Variants in CCDC13 observed in about 807,000 individuals in gnomAD.
CCDC13 encodes the protein coiled-coil domain containing 13, also known as coiled-coil domain-containing protein 13.
A neutral mutation model predicts 87.3 loss-of-function variants in CCDC13; 70 were observed. That is an observed-to-expected ratio of 0.80 (90% CI 0.66 to 0.98). The LOEUF (loss-of-function observed/expected upper bound fraction) is 0.98. Among genes scored for constraint, CCDC13 ranks in the 50% least tolerant of loss-of-function variants. CCDC13 has a pLI of 0.00. For synonymous variants in CCDC13, 317 were observed against 360.3 expected, an observed-to-expected ratio of 0.88 and a Z score of 1.36; for missense variants, 842 against 892.0, an observed-to-expected ratio of 0.94 and a Z score of 0.71.
At chr3:42,716,283 T>C (rs1427765479) in intron 13 of CCDC13, among the ~76,000 whole-genome samples, 1 of 151,958 alleles carries the variant, frequency 6.6e-6, no homozygotes, top group Admixed American at 6.6e-5. Flanking sequence ...TCAAGAAAGT[T>C]CTATCTAACC....
chr3:42,753,801 G>A (rs1006287892), intron 3 of CCDC13, among the ~76,000 whole-genome samples: 2 of 152,178 alleles, frequency 1.3e-5, no homozygotes, highest in Non-Finnish European at 2.9e-5. Context: ...GAGGTCTGGA[G>A]GTGGAATGTG....
intron 9 of CCDC13, among the ~76,000 whole-genome samples, 195 bp downstream of exon 9, chr3:42,739,439 C>G (rs1261844503): frequency 3.3e-5 from 5 of 152,208 alleles, no homozygotes; most frequent in Admixed American, 3.3e-4. Context: ...CCCTACCTGC[C>G]CTCAGGCAGC....
intron 3 of CCDC13, among the ~76,000 whole-genome samples, chr3:42,753,558 G>A (rs6442057): frequency 0.24 from 36,170 of 152,096 alleles, 4,527 homozygotes; most frequent in South Asian, 0.29. Context: ...AAACATCAAA[G>A]AAATAAATAT....
chr3:42,768,990 T>C (rs1375157712), intron 1 of CCDC13, among the ~76,000 whole-genome samples: 1 of 151,826 alleles, frequency 6.6e-6, no homozygotes, highest in Non-Finnish European at 1.5e-5. Flanking sequence ...ATATAAAAAT[T>C]AGCTGGGCGT....
intron 1 of CCDC13, among the ~76,000 whole-genome samples, chr3:42,766,854 A>G (rs984366665): frequency 6.6e-6 from 1 of 152,220 alleles, no homozygotes. Context: ...ACAAAATCCA[A>G]TGCTCATTCA....
intron 1 of CCDC13, among the ~76,000 whole-genome samples, chr3:42,766,290 C>T (rs1220079064): frequency 6.6e-6 from 1 of 151,796 alleles, no homozygotes; most frequent in Non-Finnish European, 1.5e-5. Context: ...TGAGCTGGAG[C>T]CTCAGGTAGT....
At chr3:42,749,873 A>T (rs755299597) in intron 5 of CCDC13, 1 of 456,706 alleles carries the variant, frequency 2.2e-6, no homozygotes. Context: ...CCACTCTGGA[A>T]TGTGCTTTGG....
At chr3:42,771,160 A>C (rs551999588) in intron 1 of CCDC13, 1 of 152,258 alleles carries the variant, frequency 6.6e-6, no homozygotes, top group Non-Finnish European at 1.5e-5. Context: ...ACGAAAAGAC[A>C]TGAAAGAAAC....
chr3:42,719,642 C>G (rs1235811707), intron 13 of CCDC13: 2 of 152,122 alleles, frequency 1.3e-5, no homozygotes, highest in Non-Finnish European at 1.5e-5. Context: ...TGGTCAGTTA[C>G]AAACTTTGCT....
intron 7 of CCDC13, among the ~76,000 whole-genome samples, chr3:42,743,345 C>G (rs1242211221): frequency 1.3e-5 from 2 of 151,830 alleles, no homozygotes; most frequent in Non-Finnish European, 2.9e-5. Flanking sequence ...CCCCAGGAAC[C>G]AGGGATGGAT....
intron 5 of CCDC13, among the ~76,000 whole-genome samples, chr3:42,751,256 G>C (rs1046447179): frequency 4.6e-5 from 7 of 151,864 alleles, no homozygotes. Flanking sequence ...AAGCCTCCTG[G>C]AATGTTAGAC....
At position 42,717,424 on chromosome 3, in the gene CCDC13, C is replaced by CAAA. The variant is rs35259284; in HGVS notation, c.1719-4111_1719-4109dup. Among the ~76,000 whole-genome samples, 86 of 125,736 alleles carry CAAA rather than the reference C, an allele frequency of 6.8e-4. 3 individuals carry two copies. Among genetic ancestry groups the CAAA allele is most frequent in the South Asian group, 1.5e-3 (6 of 3,882 alleles). 82.5% of individuals were successfully genotyped at this position (125,736 alleles called of 152,430 possible). A position where few individuals can be genotyped will look rare whatever the true frequency, so the allele number is the denominator to read the frequency against. ...CTCGGCAACAAGCGAGAATCCATCTCAAAAAAAAAAAAAATAAGTAAAGAG... is the reference window on the plus strand; with the variant it reads ...CTCGGCAACAAGCGAGAATCCATCTCAAAAAAAAAAAAAAAAATAAGTAAAGAG... On this transcript the variant is annotated intron_variant, in intron 13 of 15. Transcript: ENST00000310232.
chr3:42,753,424 C>T lies in CCDC13; in HGVS notation c.371-707G>A, dbSNP rs187799331. 1.5e-4 allele frequency among the ~76,000 whole-genome samples: 23 copies of T among 152,288 alleles called. No homozygotes were observed. The East Asian group carries it at 4.2e-3, about 28-fold the overall frequency. ...TGGTAACGCCTACCCAATAGAAAGG[C>T]ATACATTCATTTAGCAAATATTTAT... On this transcript the variant is annotated intron_variant, in intron 3 of 15. Coordinates refer to ENST00000310232, the MANE Select transcript of CCDC13 (RefSeq NM_144719.4).
intron 1 of CCDC13, among the ~76,000 whole-genome samples, chr3:42,772,663 G>A (rs1287680033): frequency 6.6e-6 from 1 of 152,204 alleles, no homozygotes; most frequent in African/African-American, 2.4e-5. Context: ...GGATGGGTTT[G>A]GGATGGGAGC....
chr3:42,761,873 C>G (rs1362417608), intron 1 of CCDC13, among the ~76,000 whole-genome samples: 2 of 152,170 alleles, frequency 1.3e-5, no homozygotes. Context: ...CCTCCTACAC[C>G]CAGCATGAAT....
chr3:42,758,076 C>G (rs772690074), intron 2 of CCDC13, 49 bp downstream of exon 2: 23 of 1,473,574 alleles, frequency 1.6e-5, no homozygotes, highest in Middle Eastern at 2.0e-4. Context: ...CACACACACA[C>G]ACACACACAC....
intron 9 of CCDC13, among the ~76,000 whole-genome samples, chr3:42,739,106 G>A (rs751864168): frequency 2.0e-5 from 3 of 152,158 alleles, no homozygotes; most frequent in African/African-American, 4.8e-5. Context: ...TTTATAGTCA[G>A]ATAAACCTGC....
chr3:42,749,904 G>A (rs755195848), intron 5 of CCDC13: 1 of 456,604 alleles, frequency 2.2e-6, no homozygotes, highest in Non-Finnish European at 4.4e-6. Flanking sequence ...TTGGAATGTG[G>A]ATTGAGCCTG....
At chr3:42,738,146 A>G (rs1575300823) in intron 9 of CCDC13, among the ~76,000 whole-genome samples, 1 of 152,208 alleles carries the variant, frequency 6.6e-6, no homozygotes, top group Non-Finnish European at 1.5e-5. Context: ...CAGTTTTCCC[A>G]GCACCACTTA....
Sources: allele counts gnomAD v4.1 joint callset (sites outside exome capture counted in the v4.1 genomes callset), GRCh38; gene constraint gnomAD v4.1.1; transcripts MANE v1.5; gene names NCBI Gene and HGNC (gene_info 2026-07-23, HGNC 2026-07-21).